The following NLN variants were observed in gnomAD, a reference collection of about 807,000 sequenced individuals.
The protein encoded by NLN is neurolysin, mitochondrial.
NLN carries 64 observed loss-of-function variants against 79.9 expected under a neutral mutation model. The observed-to-expected ratio is 0.80, with a 90% confidence interval of 0.65 to 0.99. The LOEUF is 0.99. Among genes scored for constraint, NLN ranks in the 50% least tolerant of loss-of-function variants. The pLI is 0.00. For synonymous variants in NLN, 267 were observed against 296.6 expected (o/e 0.90, Z 1.02); for missense variants, 835 against 858.7 (o/e 0.97, Z 0.34).
chr5:65,813,698 G>A (rs1218945123), intron 12 of NLN, among the ~76,000 whole-genome samples: 1 of 152,072 alleles, frequency 6.6e-6, no homozygotes, highest in Non-Finnish European at 1.5e-5. Context: ...AGGCTGAGGT[G>A]GGAGGATCGC....
intron 1 of NLN, among the ~76,000 whole-genome samples, chr5:65,747,330 C>T (rs1273718342): frequency 1.3e-5 from 2 of 152,106 alleles, no homozygotes; most frequent in Admixed American, 1.3e-4. Context: ...GGTGGATTTT[C>T]CTGAAGGCTT....
intron 9 of NLN, among the ~76,000 whole-genome samples, chr5:65,797,429 T>C (rs1299600063): frequency 6.6e-6 from 1 of 152,250 alleles, no homozygotes; most frequent in Non-Finnish European, 1.5e-5. Context: ...AATATTTGGA[T>C]TAGATTCTGC....
chr5:65,726,680 T>G (rs1758480611), intron 1 of NLN, among the ~76,000 whole-genome samples: 1 of 152,184 alleles, frequency 6.6e-6, no homozygotes, highest in South Asian at 2.1e-4. Context: ...AGCCAAAAAA[T>G]TATTACCTTG....
chr5:65,806,043 G>A (rs554031702), intron 9 of NLN, among the ~76,000 whole-genome samples: 58 of 152,070 alleles, frequency 3.8e-4, no homozygotes, highest in African/African-American at 1.3e-3. Flanking sequence ...TTACAGCATG[G>A]TTTACTGACT....
chr5:65,766,919 A>G (rs1386846143), intron 3 of NLN, among the ~76,000 whole-genome samples: 1 of 152,208 alleles, frequency 6.6e-6, no homozygotes, highest in Non-Finnish European at 1.5e-5. Context: ...CTTTGACTCC[A>G]TGTCTCACAT....
At chr5:65,764,855 G>GT (rs1443998801) in intron 3 of NLN, among the ~76,000 whole-genome samples, 1 of 152,118 alleles carries the variant, frequency 6.6e-6, no homozygotes, top group Non-Finnish European at 1.5e-5. Context: ...AGGTCATTAG[G>GT]TGAATTTACC....
chr5:65,744,670 G>A (rs771965584), intron 1 of NLN, among the ~76,000 whole-genome samples: 2 of 152,082 alleles, frequency 1.3e-5, no homozygotes, highest in Admixed American at 6.5e-5. Context: ...AGGCCGAGGC[G>A]GGTGGATCAC....
chr5:65,742,597 A>G (rs1026560911), intron 1 of NLN, among the ~76,000 whole-genome samples: 1 of 152,198 alleles, frequency 6.6e-6, no homozygotes, highest in Admixed American at 6.5e-5. Context: ...ATGGTTGTTT[A>G]TAGGATGTTT....
At chr5:65,751,422 A>G (rs553320083) in intron 1 of NLN, among the ~76,000 whole-genome samples, 23 of 152,274 alleles carry the variant, frequency 1.5e-4, no homozygotes, top group Admixed American at 1.0e-3. Flanking sequence ...TATATAATGA[A>G]CATCTGTCTG....
At chr5:65,736,331 A>G (rs1006846089) in intron 1 of NLN, among the ~76,000 whole-genome samples, 2 of 152,218 alleles carry the variant, frequency 1.3e-5, no homozygotes, top group South Asian at 4.1e-4. Flanking sequence ...TATTTTGTCA[A>G]TGAATATTTG....
At chr5:65,759,757 A>G (rs1759302229) in intron 2 of NLN, among the ~76,000 whole-genome samples, 1 of 152,190 alleles carries the variant, frequency 6.6e-6, no homozygotes, top group South Asian at 2.1e-4. Flanking sequence ...TAACGTTAAT[A>G]TCATCAAAAA....
At chr5:65,767,749 C>A (rs1369347084) in intron 3 of NLN, among the ~76,000 whole-genome samples, 1 of 152,214 alleles carries the variant, frequency 6.6e-6, no homozygotes, top group Non-Finnish European at 1.5e-5. Context: ...CAAACCATCT[C>A]TTTGTGTACA....
intron 9 of NLN, among the ~76,000 whole-genome samples, chr5:65,795,543 C>T (rs1195215818): frequency 1.3e-5 from 2 of 152,048 alleles, no homozygotes; most frequent in East Asian, 1.9e-4. Context: ...AAAAATTAGC[C>T]GGGCATAGTG....
chr5:65,734,959 A>G (rs1758697521), intron 1 of NLN, among the ~76,000 whole-genome samples: 1 of 152,248 alleles, frequency 6.6e-6, no homozygotes, highest in Admixed American at 6.5e-5. Context: ...GATGAATGAT[A>G]TTAGATTCCA....
At chr5:65,739,553 T>G (rs1166177580) in intron 1 of NLN, among the ~76,000 whole-genome samples, 3 of 152,202 alleles carry the variant, frequency 2.0e-5, no homozygotes, top group African/African-American at 7.2e-5. Flanking sequence ...TTGGATTGTA[T>G]AGTAGTTCTA....
chr5:65,752,406 T>C (rs1759120859), intron 1 of NLN, among the ~76,000 whole-genome samples: 1 of 152,230 alleles, frequency 6.6e-6, no homozygotes, highest in Non-Finnish European at 1.5e-5. Context: ...TTTGATCTAC[T>C]TTTTCATTTT....
At chr5:65,740,805 T>G (rs924168977) in intron 1 of NLN, 2 of 141,122 alleles carry the variant, frequency 1.4e-5, no homozygotes, top group Non-Finnish European at 3.1e-5. Flanking sequence ...TTGGTTACTA[T>G]AGCTTTGTTA....
At chr5:65,786,473 A>T in intron 7 of NLN, among the ~76,000 whole-genome samples, 1 of 152,246 alleles carries the variant, frequency 6.6e-6, no homozygotes, top group East Asian at 1.9e-4. Context: ...GTTTTTGTAT[A>T]ATTCACTCAT....
At chr5:65,791,653 G>A (rs1760063047) in intron 8 of NLN, among the ~76,000 whole-genome samples, 1 of 151,970 alleles carries the variant, frequency 6.6e-6, no homozygotes, top group Non-Finnish European at 1.5e-5. Flanking sequence ...AACCTGGGAG[G>A]CAGAGGTTGC....
Sources: gnomAD v4.1 joint callset for allele counts (sites outside exome capture counted in the v4.1 genomes callset) on GRCh38, gnomAD v4.1.1 for gene constraint, MANE v1.5 for transcripts, NCBI Gene and HGNC (gene_info 2026-07-23, HGNC 2026-07-21) for gene names.